Variants in SPDL1 observed in about 807,000 individuals in gnomAD.
The protein encoded by SPDL1 is protein Spindly.
Under a neutral mutation model 79.5 loss-of-function variants are expected in SPDL1, and 85 were observed. That is an observed-to-expected ratio of 1.07 (90% confidence interval 0.90 to 1.28). SPDL1 has a LOEUF of 1.28. SPDL1 is among the 50% of genes most tolerant of loss of function. SPDL1 has a pLI of 0.00. For missense variants in SPDL1, 703 were observed against 697.8 expected, an observed-to-expected ratio of 1.01 and a Z score of -0.08; for synonymous variants, 269 against 240.3, an observed-to-expected ratio of 1.12 and a Z score of -1.10.
At chr5:169,590,424 G>A (rs1755212806) in intron 2 of SPDL1, among the ~76,000 whole-genome samples, 1 of 152,268 alleles carries the variant, frequency 6.6e-6, no homozygotes, top group South Asian at 2.1e-4. Flanking sequence ...AAAATAAAAT[G>A]GTTTTTGAGG....
chr5:169,604,398 G>T lies in SPDL1; in HGVS notation c.*191G>T. On this transcript the variant is annotated 3_prime_UTR_variant, in exon 12 of 12. Transcript: ENST00000265295. ...TAACCTGGAGAGCTTCTTAAGTGAT[G>T]CCCCTTCATGGAGCTTCTATGACAG... 1 of 395,544 alleles carries T rather than the reference G, an allele frequency of 2.5e-6. No homozygotes were observed. Among genetic ancestry groups the T allele is most frequent in the South Asian group, 7.5e-5 (1 of 13,300 alleles). The allele number at this position is 395,544 out of a possible 1,614,324, so 24.5% of individuals were successfully genotyped here.
At chr5:169,584,405 T>C (rs1754870379) in intron 1 of SPDL1, among the ~76,000 whole-genome samples, 1 of 152,226 alleles carries the variant, frequency 6.6e-6, no homozygotes. Flanking sequence ...GCGTTATATT[T>C]CTGCTGGACA....
intron 2 of SPDL1, among the ~76,000 whole-genome samples, chr5:169,590,258 G>A (rs950661127): frequency 1.3e-5 from 2 of 152,212 alleles, no homozygotes; most frequent in South Asian, 2.1e-4. Context: ...TTTCTACATA[G>A]TACTGTTGTA....
At position 169,604,113 on chromosome 5, in the gene SPDL1, C is replaced by G. The variant is rs746010239; in HGVS notation, c.1724C>G (p.Ser575Ter). 4 of 1,612,972 alleles carry G rather than the reference C, an allele frequency of 2.5e-6. No homozygotes were observed. The highest frequency in any genetic ancestry group is 3.4e-6 in the Non-Finnish European group (4 of 1,179,636). The change falls in exon 12 of 12, where the codon TCA becomes TGA. Residue 575 changes from serine to a stop codon, truncating the protein, a stop_gained. Coordinates refer to ENST00000265295, the MANE Select transcript of SPDL1 (RefSeq NM_017785.5). LOFTEE classifies it high-confidence loss of function. ...QTEVKEGKET[S>*]SKLEKETCKK... ...GAAGTTAAAGAAGGAAAAGAAACTT[C>G]AAGCAAATTGGAAAAAGAAACTTGT...
At chr5:169,594,881 A>T (rs1400812914) in intron 7 of SPDL1, among the ~76,000 whole-genome samples, 200 bp downstream of exon 7, 3 of 152,144 alleles carry the variant, frequency 2.0e-5, no homozygotes, top group African/African-American at 4.8e-5. Context: ...ATATTTAGTA[A>T]TAGTATATTT....
chr5:169,601,806 A>C (rs899626330), intron 11 of SPDL1, 181 bp downstream of exon 11: 8 of 704,936 alleles, frequency 1.1e-5, no homozygotes, highest in Non-Finnish European at 2.0e-5. Context: ...AACTGATTGC[A>C]AAGGGAAAGG....
intron 6 of SPDL1, 24 bp from the exon 7 acceptor site, chr5:169,594,547 A>G (rs772403038): frequency 8.1e-5 from 131 of 1,611,744 alleles, no homozygotes; most frequent in Non-Finnish European, 1.1e-4. Flanking sequence ...TACCAGAACA[A>G]TTAAGCATGT....
Position 169,583,826 on chromosome 5 carries a change from A to G in SPDL1, c.-87A>G, listed in dbSNP as rs999950390. On this transcript the variant is annotated 5_prime_UTR_variant, in exon 1 of 12. An upstream start codon of the reference 5' UTR is lost. Coordinates refer to ENST00000265295, the MANE Select transcript of SPDL1 (RefSeq NM_017785.5). ...GGCGACTGTGGAGTTAGCGTCCTCA[A>G]TGTGGACGCCCTGAGCTCCCATTAG... The G allele has an allele frequency of 1.3e-4, 20 of 152,380 alleles. No individual in the cohort carries two copies. Among genetic ancestry groups the G allele is most frequent in the African/African-American group, 3.8e-4 (16 of 41,588 alleles). 9.4% of individuals were successfully genotyped at this position (152,380 alleles called of 1,614,324 possible).
intron 1 of SPDL1, among the ~76,000 whole-genome samples, chr5:169,584,550 C>T (rs1754879130): frequency 6.6e-6 from 1 of 152,158 alleles, no homozygotes; most frequent in Non-Finnish European, 1.5e-5. Context: ...AATTAAATAA[C>T]TTGTCCAAGT....
intron 3 of SPDL1, 98 bp from the exon 4 acceptor site, chr5:169,593,256 A>G (rs1423240394): frequency 5.7e-6 from 6 of 1,059,288 alleles, no homozygotes; most frequent in Admixed American, 5.8e-5. Context: ...CTCCAATAGT[A>G]TCATCATTCA....
At chr5:169,593,830 A>G (rs1755431184) in intron 4 of SPDL1, among the ~76,000 whole-genome samples, 1 of 152,216 alleles carries the variant, frequency 6.6e-6, no homozygotes, top group Admixed American at 6.5e-5. Flanking sequence ...TTATCGTAAG[A>G]GCCCAGTGTA....
At position 169,598,519 on chromosome 5, in the gene SPDL1, G is replaced by A. The variant is rs781129209; in HGVS notation, c.1076G>A (p.Gly359Asp). Residue 359 changes from glycine to aspartate, a missense_variant, in exon 9 of 12, where the codon GGT (glycine) becomes GAT (aspartate). Gly to Asp is a moderately conservative substitution (Grantham distance 94). Transcript: ENST00000265295. Reference sequence around the variant, plus strand: ...GAATCTAAGCCTTCAGTCGACTCTGGTACTCTGGAAGATAACACCTATTAT... The same window carrying A: ...GAATCTAAGCCTTCAGTCGACTCTGATACTCTGGAAGATAACACCTATTAT... ...SMESKPSVDS[G>D]TLEDNTYYTD... 5 of 1,613,204 alleles carry A rather than the reference G, an allele frequency of 3.1e-6. No homozygotes were observed. Among genetic ancestry groups the A allele is most frequent in the Non-Finnish European group, 4.2e-6 (5 of 1,179,388 alleles).
chr5:169,592,582 A>G (rs972434315), intron 3 of SPDL1, among the ~76,000 whole-genome samples: 2 of 152,134 alleles, frequency 1.3e-5, no homozygotes, highest in Non-Finnish European at 2.9e-5. Flanking sequence ...CTATCTAAAT[A>G]TACCTTCATG....
intron 2 of SPDL1, among the ~76,000 whole-genome samples, chr5:169,590,099 C>T (rs1018763942): frequency 2.0e-5 from 3 of 152,238 alleles, no homozygotes; most frequent in Admixed American, 2.0e-4. Context: ...GCCTGCCACA[C>T]GATTATTTCT....
chr5:169,593,334 T>TG lies in SPDL1; in HGVS notation c.337-20_337-19insG. On this transcript the variant is annotated intron_variant, in intron 3 of 11. Transcript: ENST00000265295. ...AAGAAAATAACTTTCAATTTATGAC[T>TG]TTTTTTTTTTTGGCTTTAGATAGAA... 1 of 321,600 alleles carries TG rather than the reference T, an allele frequency of 3.1e-6. No individual in the cohort carries two copies. Among genetic ancestry groups the TG allele is most frequent in the Non-Finnish European group, 4.7e-6 (1 of 211,918 alleles). The allele number at this position is 321,600 out of a possible 1,614,324, so 19.9% of individuals were successfully genotyped here. A position where few individuals can be genotyped will look rare whatever the true frequency, so the allele number is the denominator to read the frequency against.
At chr5:169,601,686 C>T (rs1467025642) in intron 11 of SPDL1, 61 bp downstream of exon 11, 2 of 1,381,936 alleles carry the variant, frequency 1.4e-6, no homozygotes, top group East Asian at 4.7e-5. Flanking sequence ...TCTCTCGCTG[C>T]ATGAACTGTG....
chr5:169,585,412 CA>C (rs1754940260), intron 1 of SPDL1, among the ~76,000 whole-genome samples: 1 of 152,176 alleles, frequency 6.6e-6, no homozygotes, highest in Non-Finnish European at 1.5e-5. Flanking sequence ...ATAAGAATTC[CA>C]GCAAATTTTT....
chr5:169,590,076 C>A (rs1189808938), intron 2 of SPDL1, among the ~76,000 whole-genome samples: 1 of 152,178 alleles, frequency 6.6e-6, no homozygotes, highest in Non-Finnish European at 1.5e-5. Context: ...ATGCCTTGTT[C>A]ACTATCCTGA....
intron 11 of SPDL1, among the ~76,000 whole-genome samples, chr5:169,603,294 A>G (rs1756030659): frequency 6.6e-6 from 1 of 152,156 alleles, no homozygotes; most frequent in Admixed American, 6.5e-5. Flanking sequence ...GAGAATCTTT[A>G]CAGGCCTTTA....
Sources: gnomAD v4.1 joint callset for allele counts (sites outside exome capture counted in the v4.1 genomes callset) on GRCh38, gnomAD v4.1.1 for gene constraint, MANE v1.5 for transcripts, NCBI Gene and HGNC (gene_info 2026-07-23, HGNC 2026-07-21) for gene names.